The following DPP6 variants were observed in gnomAD, a reference collection of about 807,000 sequenced individuals.
The protein encoded by DPP6 is A-type potassium channel modulatory protein DPP6.
Under a neutral mutation model 122.6 loss-of-function variants are expected in DPP6, and 69 were observed. That is an observed-to-expected ratio of 0.56 (90% CI 0.46 to 0.69). DPP6 has a LOEUF of 0.69. DPP6 is among the 30% of genes least tolerant of loss of function. DPP6 has a pLI of 0.00. For missense variants in DPP6, 928 were observed against 1,116.9 expected, an observed-to-expected ratio of 0.83 and a Z score of 2.41; for synonymous variants, 418 against 433.1, an observed-to-expected ratio of 0.97 and a Z score of 0.43.
At chr7:154,575,297 T>TG (rs1157113652) in intron 5 of DPP6, among the ~76,000 whole-genome samples, 134 of 119,052 alleles carry the variant, frequency 1.1e-3, no homozygotes, top group African/African-American at 3.5e-3. Flanking sequence ...TGTATGTGTG[T>TG]GGGGGGTGTA....
chr7:154,615,355 GC>G (rs1834171911), intron 5 of DPP6, among the ~76,000 whole-genome samples: 2 of 152,160 alleles, frequency 1.3e-5, no homozygotes, highest in Non-Finnish European at 2.9e-5. Context: ...TCATAGGCCA[GC>G]CCTACAGATT....
chr7:154,682,978 T>G (rs1210278729), intron 7 of DPP6, among the ~76,000 whole-genome samples: 3 of 152,092 alleles, frequency 2.0e-5, no homozygotes, highest in Non-Finnish European at 2.9e-5. Context: ...TTTTTGTTGT[T>G]GTTTTGTTTT....
chr7:154,085,422 T>C (rs1804335471), intron 1 of DPP6, among the ~76,000 whole-genome samples: 1 of 152,234 alleles, frequency 6.6e-6, no homozygotes, highest in Admixed American at 6.5e-5. Flanking sequence ...GAGTCATTAA[T>C]GCATCTCGCC....
At chr7:153,780,016 T>C in the DPP6 span, among the ~76,000 whole-genome samples, 10 of 151,740 alleles carry the variant, frequency 6.6e-5, no homozygotes, top group African/African-American at 2.2e-4. Flanking sequence ...TCTAAAGTTA[T>C]TTCAAAGAGT....
chr7:153,959,944 A>G (rs1488212086), intron 1 of DPP6, among the ~76,000 whole-genome samples: 2 of 152,064 alleles, frequency 1.3e-5, no homozygotes, highest in African/African-American at 2.4e-5. Flanking sequence ...TTTTTTATTT[A>G]AAGTGAGAGA....
At chr7:154,538,602 AATTC>A (rs1462864589) in intron 3 of DPP6, among the ~76,000 whole-genome samples, 1 of 152,220 alleles carries the variant, frequency 6.6e-6, no homozygotes, top group African/African-American at 2.4e-5. Flanking sequence ...GATATTTAGA[AATTC>A]ATTCAGAGTA....
intron 1 of DPP6, among the ~76,000 whole-genome samples, chr7:154,391,875 C>A (rs1316348722): frequency 1.3e-5 from 2 of 152,152 alleles, no homozygotes; most frequent in African/African-American, 2.4e-5. Flanking sequence ...GAACAGCAAC[C>A]AGCAGTGACC....
intron 1 of DPP6, among the ~76,000 whole-genome samples, chr7:153,969,468 A>G (rs1048660687): frequency 1.4e-5 from 2 of 147,132 alleles, no homozygotes; most frequent in Admixed American, 6.7e-5. Context: ...TAATAGTGTT[A>G]CTTGAACTTT....
In DPP6 at chr7:154,463,486, C is replaced by T. The variant is rs993089439; in HGVS notation, c.359-11453C>T. Among the ~76,000 whole-genome samples, 7 of 152,054 alleles carry T rather than the reference C, an allele frequency of 4.6e-5. No individual in the cohort carries two copies. In the East Asian group the frequency reaches 5.8e-4, roughly 13 times the overall value. ...CCTCCCAAAGTGCTGGGATTACAGG[C>T]GTGAGCCACCGCGCCCAGCCTACTT... On this transcript the variant is annotated intron_variant, in intron 2 of 25. Transcript: ENST00000377770.
chr7:153,762,685 C>CA, the DPP6 span, among the ~76,000 whole-genome samples: 1 of 151,998 alleles, frequency 6.6e-6, no homozygotes, highest in Non-Finnish European at 1.5e-5. Flanking sequence ...GAGGCTGAGG[C>CA]AAGGGAATCG....
chr7:154,135,609 A>G (rs2150646079), intron 1 of DPP6, among the ~76,000 whole-genome samples: 1 of 148,714 alleles, frequency 6.7e-6, no homozygotes, highest in South Asian at 2.1e-4. Context: ...GCCCACACTT[A>G]CTATGATATA....
chr7:154,482,271 A>G (rs1277221047), intron 3 of DPP6, among the ~76,000 whole-genome samples: 2 of 151,936 alleles, frequency 1.3e-5, no homozygotes, highest in Non-Finnish European at 2.9e-5. Context: ...GCTGGGACCA[A>G]CACCTACAGG....
At chr7:154,401,215 A>AC (rs143453735) in intron 1 of DPP6, among the ~76,000 whole-genome samples, 12,737 of 149,922 alleles carry the variant, frequency 0.085, 629 homozygotes, top group East Asian at 0.12. Context: ...CAAAAACAAA[A>AC]ACAAAAAAAA....
At chr7:154,378,441 A>C (rs1371853503) in intron 1 of DPP6, among the ~76,000 whole-genome samples, 1 of 152,234 alleles carries the variant, frequency 6.6e-6, no homozygotes, top group Admixed American at 6.5e-5. Flanking sequence ...TGGATAGCTT[A>C]AACATCAAAA....
At chr7:154,818,597 C>G (rs965767865) in intron 16 of DPP6, among the ~76,000 whole-genome samples, 3 of 152,210 alleles carry the variant, frequency 2.0e-5, no homozygotes, top group African/African-American at 7.2e-5. Context: ...TGACTCCCAA[C>G]AGCAAATTTG....
chr7:154,170,207 C>T (rs1023468303), intron 1 of DPP6, among the ~76,000 whole-genome samples: 42 of 152,192 alleles, frequency 2.8e-4, no homozygotes, highest in African/African-American at 9.7e-4. Flanking sequence ...GACCCAGCAG[C>T]CTGCCCAGCT....
Position 154,078,391 on chromosome 7 carries a change from A to ATT in DPP6, c.243+25331_243+25332dup, listed in dbSNP as rs551238897. Among the ~76,000 whole-genome samples, 680 of 147,994 alleles carry ATT rather than the reference A, an allele frequency of 4.6e-3. 5 individuals are homozygous for ATT. The highest frequency in any genetic ancestry group is 4.9e-3 in the Non-Finnish European group (326 of 67,174). On this transcript the variant is annotated intron_variant, in intron 1 of 25. Coordinates refer to ENST00000377770, the MANE Select transcript of DPP6 (RefSeq NM_130797.4). ...ACACACACACACACACACACACACC[A>ATT]TTTTAAGGCATTGCTAGACTCACAT...
At chr7:154,536,950 T>C (rs1279834855) in intron 3 of DPP6, among the ~76,000 whole-genome samples, 1 of 152,178 alleles carries the variant, frequency 6.6e-6, no homozygotes, top group Non-Finnish European at 1.5e-5. Flanking sequence ...TAAGGCTTTA[T>C]TTTTTAAAGG....
At chr7:154,702,786 C>T (rs749004829) in intron 7 of DPP6, among the ~76,000 whole-genome samples, 2 of 152,194 alleles carry the variant, frequency 1.3e-5, no homozygotes. Context: ...TTCAGAAGAT[C>T]CAGCTAAGAT....
Sources: allele counts gnomAD v4.1 joint callset (sites outside exome capture counted in the v4.1 genomes callset), GRCh38; gene constraint gnomAD v4.1.1; transcripts MANE v1.5; gene names NCBI Gene and HGNC (gene_info 2026-07-23, HGNC 2026-07-21).